TIMM17B: variants seen among roughly 807,000 people sequenced by gnomAD.
TIMM17B encodes mitochondrial import inner membrane translocase subunit Tim17-B.
In TIMM17B, 10 loss-of-function variants were observed where a neutral mutation model predicts 15.9. The observed-to-expected ratio is 0.63, with a 90% CI of 0.39 to 1.06. The LOEUF (loss-of-function observed/expected upper bound fraction) is 1.06, where lower values mean the gene tolerates loss of function less well. Ranked by LOEUF, TIMM17B falls within the 50% of genes least tolerant of loss-of-function variation. TIMM17B has a pLI of 0.01. For synonymous variants in TIMM17B, 57 were observed against 57.2 expected (o/e 1.00, Z 0.02); for missense variants, 114 against 152.2 (o/e 0.75, Z 1.32).
chrX:48,897,982 C>G (rs1219288686), intron 1 of TIMM17B: 8 of 928,965 alleles, frequency 8.6e-6, no homozygotes, highest in Non-Finnish European at 1.0e-5. Context: ...AGGTCTCATT[C>G]GGTGTTTTGG....
intron 2 of TIMM17B, 161 bp downstream of exon 1, chrX:48,897,563 G>C (rs1175859545): frequency 1.7e-5 from 8 of 474,976 alleles, no homozygotes; most frequent in Middle Eastern, 5.2e-4. Flanking sequence ...CCTCATAACG[G>C]AGCCCGAATG....
intron 3 of TIMM17B, chrX:48,895,456 T>C: frequency 1.9e-6 from 1 of 515,969 alleles, no homozygotes; most frequent in South Asian, 2.5e-5. Context: ...GACACAGATC[T>C]TGAGCAAGAG....
intron 3 of TIMM17B, 187 bp downstream of exon 2, chrX:48,896,572 G>C: frequency 4.2e-6 from 4 of 953,725 alleles, no homozygotes; most frequent in Non-Finnish European, 5.6e-6. Context: ...GAGGGTGGAA[G>C]ACAGAGGCCA....
chrX:48,895,066 A>C, exon 4 of TIMM17B: 1 of 1,200,731 alleles, frequency 8.3e-7, no homozygotes, highest in East Asian at 3.0e-5. Flanking sequence ...GGATCCTCAC[A>C]GCATTGGCAC....
chrX:48,895,580 G>A (rs2063303228), intron 3 of TIMM17B: 1 of 478,773 alleles, frequency 2.1e-6, no homozygotes, highest in Non-Finnish European at 3.7e-6. Context: ...GGGAATCTGT[G>A]CTGAGACCTT....
At chrX:48,897,041 C>G in intron 2 of TIMM17B, 183 bp from the exon 2 acceptor site, 1 of 985,905 alleles carries the variant, frequency 1.0e-6, no homozygotes, top group Non-Finnish European at 1.3e-6. Flanking sequence ...CCCATTAAAG[C>G]GAGAAATGGG....
chrX:48,894,880 T>C lies in TIMM17B; in HGVS notation c.190+158A>G, dbSNP rs782336961. ...GATTTAAACTCCAGAACCCACTTTCTTCCCCTCCATATTCAATTGTTGGGA... is the reference window on the plus strand; with the variant it reads ...GATTTAAACTCCAGAACCCACTTTCCTCCCCTCCATATTCAATTGTTGGGA... On this transcript the variant is annotated intron_variant, in intron 4 of 6. Coordinates refer to ENST00000376582, the Ensembl canonical transcript of TIMM17B. 2.7e-5 allele frequency among the ~76,000 whole-genome samples: 3 copies of C among 111,422 alleles called. No homozygotes were observed. The East Asian group carries it at 8.4e-4, about 31-fold the overall frequency.
intron 2 of TIMM17B, chrX:48,897,138 T>C (rs2063321285): frequency 2.2e-6 from 1 of 459,928 alleles, no homozygotes; most frequent in Non-Finnish European, 3.4e-6. Flanking sequence ...ATTAAATGAA[T>C]TGGCACACGC....
At chrX:48,894,890 T>C (rs1281506454) in intron 4 of TIMM17B, 148 bp downstream of exon 3, 12 of 508,319 alleles carry the variant, frequency 2.4e-5, no homozygotes, top group African/African-American at 7.1e-5. Context: ...TTCCCCTCCA[T>C]ATTCAATTGT....
Position 48,895,094 on chromosome X carries a change from C to T in TIMM17B, c.134G>A (p.Arg45Gln), listed in dbSNP as rs781920385. 5.0e-6 allele frequency: 6 copies of T among 1,195,858 alleles called. No individual in the cohort carries two copies. Among genetic ancestry groups the T allele is most frequent in the African/African-American group, 1.8e-5 (1 of 56,830 alleles). The change falls in exon 4 of 7, where the codon CGG (arginine) becomes CAG (glutamine). Residue 45 changes from arginine (R) to glutamine (Q), a missense_variant. By Grantham distance (43) the Arg-to-Gln change is conservative (BLOSUM62 1). Transcript: ENST00000376582. ...ATTGGCACTACCTCTCAACCGGTGC[C>T]GAATTCCCTGGGGAAAGGAAGGAAG...
intron 4 of TIMM17B, 147 bp from the exon 4 acceptor site, chrX:48,894,372 C>T: frequency 1.8e-6 from 1 of 564,482 alleles, no homozygotes. Context: ...AGAGTATTTC[C>T]TATCTGTCCC....
intron 3 of TIMM17B, 79 bp downstream of exon 2, chrX:48,896,679 CT>C: frequency 2.5e-6 from 3 of 1,187,902 alleles, no homozygotes; most frequent in Non-Finnish European, 2.3e-6. Flanking sequence ...TGACTGGCAG[CT>C]CCAAGCAGTT....
At chrX:48,897,768 C>G (rs782726099) in exon 2 of TIMM17B, 50 of 1,207,359 alleles carry the variant, frequency 4.1e-5, no homozygotes, top group African/African-American at 8.7e-5. Flanking sequence ...CGTCTGGCCG[C>G]GCAGTCAGGC....
At position 48,894,210 on chromosome X, in the gene TIMM17B, C is replaced by T. The variant is rs782009596; in HGVS notation, c.206G>A (p.Trp69Ter). Residue 69 changes from tryptophan to a stop codon, truncating the protein, a stop_gained, in exon 5 of 7, where the codon TGG becomes TAG. Coordinates refer to ENST00000376582, the Ensembl canonical transcript of TIMM17B. LOFTEE classifies it high-confidence loss of function. Reference sequence around the variant, plus strand: ...GTCGATGGTGGAGAACAGGCCCCCCCACACTGCGAAGCTACCTGTAGTGGA... The same window carrying T: ...GTCGATGGTGGAGAACAGGCCCCCCTACACTGCGAAGCTACCTGTAGTGGA... The T allele has an allele frequency of 8.3e-7, 1 of 1,209,285 alleles. No homozygotes were observed. Among genetic ancestry groups the T allele is most frequent in the South Asian group, 1.8e-5 (1 of 56,561 alleles).
chrX:48,895,717 G>A (rs2063303780), intron 3 of TIMM17B: 2 of 329,533 alleles, frequency 6.1e-6, no homozygotes, highest in Non-Finnish European at 5.3e-6. Context: ...TGGCATTTGC[G>A]ATCTTCTGGG....
At chrX:48,897,805 G>T in exon 2 of TIMM17B, 1 of 1,194,151 alleles carries the variant, frequency 8.4e-7, no homozygotes, top group Non-Finnish European at 1.1e-6. Context: ...ACGCACACCG[G>T]CGTCGGAGCT....
chrX:48,896,946 G>A, intron 2 of TIMM17B, 88 bp from the exon 2 acceptor site: 2 of 1,172,694 alleles, frequency 1.7e-6, no homozygotes, highest in Non-Finnish European at 2.3e-6. Context: ...GAGAAACCAA[G>A]TCACCAGAAT....
At position 48,893,946 on chromosome X, in the gene TIMM17B, G is replaced by A. The variant is rs145478928; in HGVS notation, c.384C>T (p.Gly128=). ...TGTAGCGAGTGAGGAGGATGCCAAC[G>A]CCCTCAATGAGGGCCAACAGGATGC... Residue 128 remains glycine (G), a synonymous_variant, in exon 6 of 7, where the codon GGC becomes GGT. Coordinates refer to ENST00000376582, the Ensembl canonical transcript of TIMM17B. 174 of 1,209,246 alleles carry A rather than the reference G, an allele frequency of 1.4e-4. No individual in the cohort carries two copies. In the African/African-American group the frequency reaches 2.0e-3, roughly 14 times the overall value.
At chrX:48,895,794 T>C in intron 3 of TIMM17B, 1 of 243,131 alleles carries the variant, frequency 4.1e-6, no homozygotes, top group Non-Finnish European at 7.4e-6. Context: ...CTGTCTTCCG[T>C]CTGCCAATTA....
Sources: gnomAD v4.1 joint callset for allele counts (sites outside exome capture counted in the v4.1 genomes callset) on GRCh38, gnomAD v4.1.1 for gene constraint, MANE v1.5 for transcripts, NCBI Gene and HGNC (gene_info 2026-07-23, HGNC 2026-07-21) for gene names.